The following GNA15 variants were observed in gnomAD, a reference collection of about 807,000 sequenced individuals.
GNA15 encodes guanine nucleotide-binding protein subunit alpha-15.
GNA15 carries 23 observed loss-of-function variants against 40.1 expected under a neutral mutation model. The ratio of observed to expected loss-of-function variants is 0.57; its 90% CI spans 0.41 to 0.81. GNA15 has a LOEUF of 0.81. Among genes scored for constraint, GNA15 ranks in the 40% least tolerant of loss-of-function variants. GNA15 has a pLI of 0.00. For missense variants in GNA15, 522 were observed against 515.8 expected (o/e 1.01, Z -0.12); for synonymous variants, 226 against 210.4 (o/e 1.07, Z -0.64).
chr19:3,148,239 C>T (rs1375207439), intron 1 of GNA15, among the ~76,000 whole-genome samples: 1 of 152,090 alleles, frequency 6.6e-6, no homozygotes, highest in Non-Finnish European at 1.5e-5. Flanking sequence ...CAGGCGTGAG[C>T]CACCACACCC....
chr19:3,152,651 T>C (rs1914906172), intron 4 of GNA15, among the ~76,000 whole-genome samples: 2 of 152,114 alleles, frequency 1.3e-5, no homozygotes, highest in African/African-American at 4.8e-5. Context: ...AGAATGACTC[T>C]GGGATTGGCA....
At chr19:3,144,409 C>T (rs995932704) in intron 1 of GNA15, among the ~76,000 whole-genome samples, 4 of 152,218 alleles carry the variant, frequency 2.6e-5, no homozygotes, top group Non-Finnish European at 4.4e-5. Flanking sequence ...TGTCCCCATC[C>T]TAACATGCAA....
intron 6 of GNA15, 145 bp downstream of exon 6, chr19:3,158,026 T>C: frequency 3.0e-6 from 2 of 656,350 alleles, no homozygotes; most frequent in South Asian, 1.8e-5. Context: ...CTCCATCCAC[T>C]GCCCGACCTC....
intron 6 of GNA15, among the ~76,000 whole-genome samples, chr19:3,159,174 G>A (rs1019891015): frequency 1.3e-5 from 2 of 151,384 alleles, no homozygotes; most frequent in Admixed American, 6.6e-5. Flanking sequence ...ACAGGTGCCC[G>A]CCAGAACGTC....
At position 3,155,588 on chromosome 19, in the gene GNA15, C is replaced by G. The variant is rs747250181; in HGVS notation, c.615-235C>G. 4.6e-4 allele frequency among the ~76,000 whole-genome samples: 70 copies of G among 152,208 alleles called. No homozygotes were observed. Among genetic ancestry groups the G allele is most frequent in the Admixed American group, 7.2e-4 (11 of 15,280 alleles). ...GGGGTAGAAAGCAGGCAGCCCAGCA[C>G]AGTAGAAGCTTGGGAAAGTCCCCGC... is the stretch of plus-strand genomic sequence containing the variant. On this transcript the variant is annotated intron_variant, in intron 4 of 6. Transcript: ENST00000262958. This position sits in a 1 kb window ranked among gnomAD's most constrained non-coding sequence, Gnocchi z 5.6.
chr19:3,162,648 T>G, intron 6 of GNA15, 145 bp from the exon 7 acceptor site: 1 of 619,348 alleles, frequency 1.6e-6, no homozygotes, highest in Non-Finnish European at 2.9e-6. Context: ...CAGCTATGAC[T>G]ACAAAAGATG....
At chr19:3,139,569 T>C (rs181405016) in intron 1 of GNA15, among the ~76,000 whole-genome samples, 1 of 137,152 alleles carries the variant, frequency 7.3e-6, no homozygotes, top group African/African-American at 2.8e-5. Context: ...CACTCCAGCC[T>C]GGGTGACAGA....
chr19:3,150,125 C>T lies in GNA15; in HGVS notation c.331-6C>T. On this transcript the variant is annotated splice_polypyrimidine_tract_variant and splice_region_variant and intron_variant, in intron 2 of 6. Transcript: ENST00000262958. ...TACCCTAACTGCCCCCGTCCTCCCT[C>T]CCCAGCACCACGCTAGCCTGGTCAT... 1 of 1,611,870 alleles carries T rather than the reference C, an allele frequency of 6.2e-7. No individual in the cohort carries two copies. Among genetic ancestry groups the T allele is most frequent in the Non-Finnish European group, 8.5e-7 (1 of 1,179,236 alleles).
chr19:3,144,025 G>C (rs1225257278), intron 1 of GNA15, among the ~76,000 whole-genome samples: 1 of 151,820 alleles, frequency 6.6e-6, no homozygotes, highest in Non-Finnish European at 1.5e-5. Flanking sequence ...TTGGGAGGCT[G>C]AGGCAGGAGA....
At position 3,163,649 on chromosome 19, in the gene GNA15, A is replaced by C. The variant is rs891296500; in HGVS notation, c.*630A>C. The C allele has an allele frequency of 6.6e-6, 1 of 152,600 alleles. No homozygotes were observed. Among genetic ancestry groups the C allele is most frequent in the East Asian group, 1.9e-4 (1 of 5,192 alleles). 9.5% of individuals were successfully genotyped at this position (152,600 alleles called of 1,614,324 possible). ...CCACAAGCATCCCCCCATCCCTTGC[A>C]GGCTGGGGGCTGGGCATGCTGCATC... is the stretch of plus-strand genomic sequence containing the variant. On this transcript the variant is annotated 3_prime_UTR_variant, in exon 7 of 7. Transcript: ENST00000262958.
intron 2 of GNA15, 31 bp downstream of exon 2, chr19:3,148,806 G>A (rs753056018): frequency 1.9e-6 from 3 of 1,553,698 alleles, no homozygotes; most frequent in Non-Finnish European, 2.6e-6. Flanking sequence ...GGGGCCCAGG[G>A]CAGGCAGGGG....
At chr19:3,137,184 GT>G (rs1186148413) in intron 1 of GNA15, among the ~76,000 whole-genome samples, 1 of 152,228 alleles carries the variant, frequency 6.6e-6, no homozygotes, top group Non-Finnish European at 1.5e-5. Flanking sequence ...AGATATTTCT[GT>G]CTTCCTGGAT....
At chr19:3,156,467 G>T (rs451690) in intron 5 of GNA15, among the ~76,000 whole-genome samples, 120,674 of 148,482 alleles carry the variant, frequency 0.81, 48,947 homozygotes, top group African/African-American at 0.95. Flanking sequence ...CGCACACACA[G>T]GCACACACAC....
chr19:3,149,610 A>G (rs1377108041), intron 2 of GNA15: 1 of 157,634 alleles, frequency 6.3e-6, no homozygotes, highest in Admixed American at 6.1e-5. Flanking sequence ...AGAGAAATGC[A>G]CACACAACAC....
At chr19:3,149,114 C>G (rs143682814) in intron 2 of GNA15, 1 of 285,348 alleles carries the variant, frequency 3.5e-6, no homozygotes, top group Admixed American at 4.8e-5. Flanking sequence ...AATGCACACA[C>G]GTGCACACGT....
chr19:3,150,419 C>CATT (rs1914852532), intron 3 of GNA15, 134 bp downstream of exon 3: 2 of 774,378 alleles, frequency 2.6e-6, no homozygotes, highest in Non-Finnish European at 4.0e-6. Flanking sequence ...AGGATGAGGT[C>CATT]CTTCCAGGGG....
chr19:3,158,018 C>G (rs1198235345), intron 6 of GNA15, 137 bp downstream of exon 6: 2 of 676,010 alleles, frequency 3.0e-6, no homozygotes, highest in Non-Finnish European at 5.3e-6. Context: ...AGACTCAGCT[C>G]CATCCACTGC....
Position 3,163,150 on chromosome 19 carries a change from C to G in GNA15, c.*131C>G, listed in dbSNP as rs955478762. On this transcript the variant is annotated 3_prime_UTR_variant, in exon 7 of 7. Coordinates refer to ENST00000262958, the MANE Select transcript of GNA15 (RefSeq NM_002068.4). ...CGCAAGGGAGTCGGGGGACGGACGG[C>G]CCGCTGCTGGCCGCTCTCTTCTCTG... 1 of 648,600 alleles carries G rather than the reference C, an allele frequency of 1.5e-6. No individual in the cohort carries two copies. Among genetic ancestry groups the G allele is most frequent in the Non-Finnish European group, 2.7e-6 (1 of 364,072 alleles). The allele number at this position is 648,600 out of a possible 1,614,324, so 40.2% of individuals were successfully genotyped here. A position where few individuals can be genotyped will look rare whatever the true frequency, so the allele number is the denominator to read the frequency against.
At position 3,148,615 on chromosome 19, in the gene GNA15, C is replaced by A; in HGVS notation, c.170C>A (p.Thr57Asn). 3.8e-6 allele frequency: 6 copies of A among 1,585,764 alleles called. No individual in the cohort carries two copies. The highest frequency in any genetic ancestry group is 5.1e-6 in the Non-Finnish European group (6 of 1,165,618). Residue 57 changes from threonine (T) to asparagine (N), a missense_variant, in exon 2 of 7, where the codon ACC becomes AAC. Physicochemically the swap from Thr to Asn is moderately conservative, Grantham distance 65. Coordinates refer to ENST00000262958, the MANE Select transcript of GNA15 (RefSeq NM_002068.4). ...LLGPGESGKS[T>N]FIKQMRIIHG... ...GGCCCAGGCGAGAGCGGGAAGAGCA[C>A]CTTCATCAAGCAGATGCGGATCATC...
Sources: allele counts gnomAD v4.1 joint callset (sites outside exome capture counted in the v4.1 genomes callset), GRCh38; gene constraint gnomAD v4.1.1; non-coding constraint Gnocchi (gnomAD v3.1); transcripts MANE v1.5; gene names NCBI Gene and HGNC (gene_info 2026-07-23, HGNC 2026-07-21).